The following CCDC186 variants were observed in gnomAD, a reference collection of about 807,000 sequenced individuals.
CCDC186 encodes coiled-coil domain-containing protein 186.
In CCDC186, 49 loss-of-function variants were observed where a neutral mutation model predicts 113.7. That is an observed-to-expected ratio of 0.43 (90% CI 0.34 to 0.55). The LOEUF (loss-of-function observed/expected upper bound fraction) is 0.55. Among genes scored for constraint, CCDC186 ranks in the 20% least tolerant of loss-of-function variants. CCDC186 has a pLI of 0.02. For synonymous variants in CCDC186, 355 were observed against 345.8 expected, an observed-to-expected ratio of 1.03 and a Z score of -0.30; for missense variants, 890 against 1,011.1, an observed-to-expected ratio of 0.88 and a Z score of 1.62.
rs181761811 is a variant in CCDC186 at position 114,121,593 on chromosome 10, A to G, written c.*3550T>C. The G allele has an allele frequency of 1.3e-5, 2 of 152,312 alleles. No individual in the cohort carries two copies. The allele number at this position is 152,312 out of a possible 1,614,324, so 9.4% of individuals were successfully genotyped here. The stretch of plus-strand genomic sequence containing the variant: ...TTTTTTCTTAAATAATGAAAATCAA[A>G]CTATGATAAAAGTTAGGAAACGTGC... On this transcript the variant is annotated 3_prime_UTR_variant, in exon 16 of 16. Coordinates refer to ENST00000369287, the MANE Select transcript of CCDC186 (RefSeq NM_018017.4).
chr10:114,149,539 GAAGGGAAGGGAAGGGAAGGA>G (rs2031749451), intron 4 of CCDC186, among the ~76,000 whole-genome samples: 1 of 106,694 alleles, frequency 9.4e-6, no homozygotes, highest in Non-Finnish European at 1.9e-5. Context: ...GAAGGAAAGG[GAAGGGAAGGGAAGGGAAGGA>G]AAGGAAAGGG....
Position 114,127,660 on chromosome 10 carries a change from C to T in CCDC186, c.2194G>A (p.Ala732Thr). ...SRSSSSGSLN[A>T]RSSAEDRSPE... is the part of the protein sequence containing the mutation. The stretch of plus-strand genomic sequence containing the variant: ...GATCGATCTTCTGCACTGCTTCGAG[C>T]ATTCAGGGACCCTGAAGACAAAAAA... Residue 732 changes from alanine to threonine, a missense_variant, in exon 14 of 16, where the codon GCT (alanine) becomes ACT (threonine). Coordinates refer to ENST00000369287, the MANE Select transcript of CCDC186 (RefSeq NM_018017.4). 1 of 1,613,468 alleles carries T rather than the reference C, an allele frequency of 6.2e-7. No homozygotes were observed. Among genetic ancestry groups the T allele is most frequent in the Non-Finnish European group, 8.5e-7 (1 of 1,179,844 alleles).
At chr10:114,143,136 C>A (rs2119761726) in intron 6 of CCDC186, among the ~76,000 whole-genome samples, 1 of 152,334 alleles carries the variant, frequency 6.6e-6, no homozygotes, top group East Asian at 1.9e-4. Flanking sequence ...TTCTAGCAAT[C>A]TGCACCATGT....
chr10:114,163,192 G>A lies in CCDC186; in HGVS notation c.77C>T (p.Ser26Leu). The A allele has an allele frequency of 6.2e-7, 1 of 1,613,962 alleles. No individual in the cohort carries two copies. Reference sequence around the variant, plus strand: ...TTCATTGCCAGAAAACAAGTTGCATGAGTCTTCCTTTAATTCAGGTGTTTT... The same window carrying A: ...TTCATTGCCAGAAAACAAGTTGCATAAGTCTTCCTTTAATTCAGGTGTTTT... ...VGKTPELKED[S>L]CNLFSGNESS... Residue 26 changes from serine (S) to leucine (L), a missense_variant, in exon 2 of 16, where the codon TCA becomes TTA. Transcript: ENST00000369287.
intron 1 of CCDC186, among the ~76,000 whole-genome samples, chr10:114,167,746 T>G (rs558190024): frequency 6.8e-6 from 1 of 146,878 alleles, no homozygotes; most frequent in Admixed American, 7.0e-5. Context: ...AAGGATTTAT[T>G]GCGCCCAGGA....
chr10:114,173,752 T>C (rs2032600398), intron 1 of CCDC186, among the ~76,000 whole-genome samples: 1 of 152,162 alleles, frequency 6.6e-6, no homozygotes, highest in African/African-American at 2.4e-5. Flanking sequence ...CGACCCCCGC[T>C]GACCCCTCTT....
Position 114,157,663 on chromosome 10 carries a change from T to C in CCDC186, c.650A>G (p.Lys217Arg). 2 of 1,588,808 alleles carry C rather than the reference T, an allele frequency of 1.3e-6. No individual in the cohort carries two copies. The highest frequency in any genetic ancestry group is 1.7e-6 in the Non-Finnish European group (2 of 1,170,606). ...HIIKKLIKEN[K>R]KHQELFVDIC... is the part of the protein sequence containing the mutation. ...GTCTACGAAGAGCTCCTGATGCTTC[T>C]TATTTTCTTTAATTAACCTAAATAT... The change falls in exon 3 of 16, where the codon AAG becomes AGG. Residue 217 changes from lysine to arginine, a missense_variant. Lys to Arg is a conservative substitution (Grantham distance 26, BLOSUM62 2). Coordinates refer to ENST00000369287, the MANE Select transcript of CCDC186 (RefSeq NM_018017.4).
intron 4 of CCDC186, among the ~76,000 whole-genome samples, chr10:114,147,760 A>G (rs533033221): frequency 3.3e-5 from 5 of 152,294 alleles, no homozygotes; most frequent in African/African-American, 9.6e-5. Flanking sequence ...GCAGCATGGG[A>G]GCTTCACTGA....
rs1463920057 is a variant in CCDC186 at position 114,121,477 on chromosome 10, G to A, written c.*3666C>T. 2 of 152,036 alleles carry A rather than the reference G, an allele frequency of 1.3e-5. No individual in the cohort carries two copies. The highest frequency in any genetic ancestry group is 6.6e-5 in the Admixed American group (1 of 15,264). 9.4% of individuals were successfully genotyped at this position (152,036 alleles called of 1,614,324 possible). A position where few individuals can be genotyped will look rare whatever the true frequency, so the allele number is the denominator to read the frequency against. Reference sequence around the variant, plus strand: ...TGCAAAAGAAAGATTGGAAACATGCGTGACATGATTAATCTTTATGAGCAC... The same window carrying A: ...TGCAAAAGAAAGATTGGAAACATGCATGACATGATTAATCTTTATGAGCAC... On this transcript the variant is annotated 3_prime_UTR_variant, in exon 16 of 16. Coordinates refer to ENST00000369287, the MANE Select transcript of CCDC186 (RefSeq NM_018017.4).
Position 114,144,488 on chromosome 10 carries a change from A to G in CCDC186, c.1221+9T>C. Reference sequence around the variant, plus strand: ...TCTAATCATTATTCCATTGTATTACAGTACGTACCTTGTGTGAATCCATTT... The same window carrying G: ...TCTAATCATTATTCCATTGTATTACGGTACGTACCTTGTGTGAATCCATTT... On this transcript the variant is annotated intron_variant, in intron 6 of 15. Coordinates refer to ENST00000369287, the MANE Select transcript of CCDC186 (RefSeq NM_018017.4). The G allele has an allele frequency of 6.2e-7, 1 of 1,609,292 alleles. No individual in the cohort carries two copies. Among genetic ancestry groups the G allele is most frequent in the Non-Finnish European group, 8.5e-7 (1 of 1,178,050 alleles).
chr10:114,123,838 G>C lies in CCDC186; in HGVS notation c.*1305C>G, dbSNP rs2030803785. The C allele has an allele frequency of 6.6e-6, 1 of 152,074 alleles. No homozygotes were observed. The highest frequency in any genetic ancestry group is 2.1e-4 in the South Asian group (1 of 4,830). 9.4% of individuals were successfully genotyped at this position (152,074 alleles called of 1,614,324 possible). On this transcript the variant is annotated 3_prime_UTR_variant, in exon 16 of 16. Coordinates refer to ENST00000369287, the MANE Select transcript of CCDC186 (RefSeq NM_018017.4). ...TGGTTACAGATATATACTTATTTTAGGTATGTGTGAGGTTTTTTGTTTTAA... is the reference window on the plus strand; with the variant it reads ...TGGTTACAGATATATACTTATTTTACGTATGTGTGAGGTTTTTTGTTTTAA...
intron 6 of CCDC186, among the ~76,000 whole-genome samples, chr10:114,140,563 T>C (rs1387934477): frequency 6.6e-6 from 1 of 152,176 alleles, no homozygotes; most frequent in Non-Finnish European, 1.5e-5. Flanking sequence ...CTTAAGTCGT[T>C]CAAGATGTTG....
chr10:114,151,302 A>C (rs1244678310), intron 3 of CCDC186, 82 bp from the exon 4 acceptor site: 1 of 1,028,698 alleles, frequency 9.7e-7, no homozygotes, highest in Non-Finnish European at 1.4e-6. Flanking sequence ...TAAACAAAGT[A>C]AATAAACATA....
intron 2 of CCDC186, among the ~76,000 whole-genome samples, chr10:114,160,569 TGTG>T (rs1460700022): frequency 6.6e-6 from 1 of 152,214 alleles, no homozygotes; most frequent in East Asian, 1.9e-4. Flanking sequence ...ATGTGACCGA[TGTG>T]GTAACTAACT....
chr10:114,124,876 T>G lies in CCDC186; in HGVS notation c.*267A>C. On this transcript the variant is annotated 3_prime_UTR_variant, in exon 16 of 16. Transcript: ENST00000369287. ...AGCCCTTGTAATGTTCAACACTTCTTATGAATACAAGCAAATTAAGTTGTT... is the reference window on the plus strand; with the variant it reads ...AGCCCTTGTAATGTTCAACACTTCTGATGAATACAAGCAAATTAAGTTGTT... 1 of 327,072 alleles carries G rather than the reference T, an allele frequency of 3.1e-6. No individual in the cohort carries two copies. Among genetic ancestry groups the G allele is most frequent in the Non-Finnish European group, 5.5e-6 (1 of 181,778 alleles). The allele number at this position is 327,072 out of a possible 1,614,324, so 20.3% of individuals were successfully genotyped here.
intron 6 of CCDC186, among the ~76,000 whole-genome samples, chr10:114,140,503 C>G (rs1183771234): frequency 3.3e-5 from 5 of 152,154 alleles, no homozygotes; most frequent in Non-Finnish European, 7.4e-5. Context: ...TTAAGTCATC[C>G]AAGATGTCGT....
rs1490057964 is a variant in CCDC186 at position 114,127,671 on chromosome 10, C to A, written c.2183G>T (p.Gly728Val). Residue 728 changes from glycine to valine, a missense_variant and splice_region_variant, in exon 14 of 16, where the codon GGG (glycine) becomes GTG (valine). Gly to Val is a moderately radical substitution (Grantham distance 109). Transcript: ENST00000369287. The part of the protein sequence containing the change: ...SSMGSRSSSS[G>V]SLNARSSAED... ...TGCACTGCTTCGAGCATTCAGGGAC[C>A]CTGAAGACAAAAAAAATTGGTTTAG... 6.8e-6 allele frequency: 11 copies of A among 1,609,558 alleles called. No homozygotes were observed. The highest frequency in any genetic ancestry group is 9.3e-6 in the Non-Finnish European group (11 of 1,178,736).
intron 3 of CCDC186, among the ~76,000 whole-genome samples, chr10:114,154,064 A>T (rs2031935906): frequency 6.6e-6 from 1 of 151,890 alleles, no homozygotes. Context: ...TACAAAAATT[A>T]GCTGGATGTG....
chr10:114,173,374 A>G, intron 1 of CCDC186: 1 of 318,324 alleles, frequency 3.1e-6, no homozygotes, highest in Non-Finnish European at 6.4e-6. Flanking sequence ...GGACACGTAG[A>G]AGGGTTTTTG....
Sources: allele counts gnomAD v4.1 joint callset (sites outside exome capture counted in the v4.1 genomes callset), GRCh38; gene constraint gnomAD v4.1.1; transcripts MANE v1.5; gene names NCBI Gene and HGNC (gene_info 2026-07-23, HGNC 2026-07-21).